The following AGBL4 variants were observed in gnomAD, a reference collection of about 807,000 sequenced individuals.
The protein encoded by AGBL4 is cytosolic carboxypeptidase 6.
In AGBL4, 58 loss-of-function variants were observed where a neutral mutation model predicts 66.4. That is an observed-to-expected ratio of 0.87 (90% confidence interval 0.71 to 1.09). The LOEUF (loss-of-function observed/expected upper bound fraction) is 1.09. Ranked by LOEUF, AGBL4 falls within the 50% of genes least tolerant of loss-of-function variation. The pLI is 0.00. For synonymous variants in AGBL4, 234 were observed against 222.9 expected, an observed-to-expected ratio of 1.05 and a Z score of -0.44; for missense variants, 579 against 631.0, an observed-to-expected ratio of 0.92 and a Z score of 0.88.
chr1:48,539,050 T>C (rs1010674942), intron 12 of AGBL4, among the ~76,000 whole-genome samples: 7 of 152,212 alleles, frequency 4.6e-5, no homozygotes, highest in African/African-American at 1.7e-4. Flanking sequence ...TCAGACAGGA[T>C]GGAGGCTCAC....
chr1:49,781,877 A>AT (rs1644346216), intron 2 of AGBL4, among the ~76,000 whole-genome samples: 2 of 152,188 alleles, frequency 1.3e-5, no homozygotes, highest in Non-Finnish European at 2.9e-5. Context: ...TAAACAATAC[A>AT]TTCCTAAATA....
Position 49,842,510 on chromosome 1 carries a change from C to A in AGBL4, c.157+8886G>T, listed in dbSNP as rs12036977. 23 of 986,926 alleles carry A rather than the reference C, an allele frequency of 2.3e-5. No homozygotes were observed. The East Asian group carries it at 1.2e-3, about 53-fold the overall frequency. 61.1% of individuals were successfully genotyped at this position (986,926 alleles called of 1,614,324 possible). On this transcript the variant is annotated intron_variant, in intron 2 of 13. Transcript: ENST00000371839. Reference sequence around the variant, plus strand: ...ACTACTCAGTCTTAATTCTTCACAGCAAATTTACTACTCAGTCTTAGTGAA... The same window carrying A: ...ACTACTCAGTCTTAATTCTTCACAGAAAATTTACTACTCAGTCTTAGTGAA...
intron 4 of AGBL4, among the ~76,000 whole-genome samples, chr1:49,098,683 T>C (rs1645150332): frequency 6.6e-6 from 1 of 151,956 alleles, no homozygotes; most frequent in Non-Finnish European, 1.5e-5. Flanking sequence ...GACATGAGGG[T>C]GGTCAGAGAG....
chr1:48,546,581 C>T (rs1408196354), intron 11 of AGBL4, among the ~76,000 whole-genome samples: 3 of 152,120 alleles, frequency 2.0e-5, no homozygotes, highest in African/African-American at 2.4e-5. Context: ...GAAGGTGACG[C>T]TGAAATATTA....
chr1:49,858,678 A>G (rs1646491827), intron 1 of AGBL4, among the ~76,000 whole-genome samples: 1 of 152,134 alleles, frequency 6.6e-6, no homozygotes, highest in Admixed American at 6.5e-5. Context: ...GCTCACCAAG[A>G]CCAATAATCC....
At chr1:48,787,366 C>A (rs1235570945) in intron 6 of AGBL4, among the ~76,000 whole-genome samples, 2 of 152,200 alleles carry the variant, frequency 1.3e-5, no homozygotes, top group Non-Finnish European at 1.5e-5. Flanking sequence ...AATGTCCCAA[C>A]AAGCACCCTG....
intron 6 of AGBL4, among the ~76,000 whole-genome samples, chr1:48,838,544 G>A (rs1335359351): frequency 2.6e-5 from 4 of 152,020 alleles, no homozygotes; most frequent in African/African-American, 9.7e-5. Flanking sequence ...AATAAAAATA[G>A]GTTAAAGATG....
At chr1:49,376,182 T>C (rs1294205082) in intron 3 of AGBL4, among the ~76,000 whole-genome samples, 2 of 152,090 alleles carry the variant, frequency 1.3e-5, no homozygotes, top group Non-Finnish European at 2.9e-5. Context: ...TTTCATACCT[T>C]TATGCCTTGG....
intron 4 of AGBL4, among the ~76,000 whole-genome samples, chr1:49,069,144 T>C (rs186723291): frequency 1.3e-5 from 2 of 152,356 alleles, no homozygotes; most frequent in East Asian, 3.9e-4. Context: ...CTTTGTCAGA[T>C]GGCTAGATTG....
At chr1:48,798,006 G>A (rs1442279527) in intron 6 of AGBL4, among the ~76,000 whole-genome samples, 2 of 152,178 alleles carry the variant, frequency 1.3e-5, no homozygotes, top group East Asian at 3.9e-4. Flanking sequence ...TAATAGGATT[G>A]CTGGATCAAA....
chr1:48,807,714 G>T (rs1645957984), intron 6 of AGBL4, among the ~76,000 whole-genome samples: 1 of 152,132 alleles, frequency 6.6e-6, no homozygotes, highest in African/African-American at 2.4e-5. Context: ...CCATGCAGAT[G>T]TGCAGGATTC....
intron 3 of AGBL4, among the ~76,000 whole-genome samples, chr1:49,249,952 T>C (rs1396810719): frequency 1.3e-5 from 2 of 152,210 alleles, no homozygotes; most frequent in African/African-American, 4.8e-5. Context: ...GGTCACAACA[T>C]TAAGTGAAAC....
At chr1:49,127,087 CATTTT>C (rs1202552397) in intron 4 of AGBL4, among the ~76,000 whole-genome samples, 1 of 152,110 alleles carries the variant, frequency 6.6e-6, no homozygotes. Flanking sequence ...CTATATAAAA[CATTTT>C]ATTTCAGATT....
chr1:48,772,409 A>G (rs1644881092), intron 6 of AGBL4, among the ~76,000 whole-genome samples: 1 of 152,222 alleles, frequency 6.6e-6, no homozygotes, highest in South Asian at 2.1e-4. Context: ...CCCCACCTGT[A>G]GGTGAGCTCC....
At chr1:48,826,415 C>T (rs866251822) in intron 6 of AGBL4, among the ~76,000 whole-genome samples, 3 of 152,346 alleles carry the variant, frequency 2.0e-5, no homozygotes, top group Middle Eastern at 3.4e-3. Context: ...AACTGGCACA[C>T]ATTAGCAAAA....
intron 11 of AGBL4, among the ~76,000 whole-genome samples, chr1:48,563,507 T>A (rs1644428125): frequency 6.7e-6 from 1 of 149,884 alleles, no homozygotes; most frequent in Non-Finnish European, 1.5e-5. Flanking sequence ...AGTGAGGGGG[T>A]CTGAGAGAGG....
At chr1:49,621,739 G>GCAC (rs1292152699) in intron 3 of AGBL4, among the ~76,000 whole-genome samples, 1 of 152,114 alleles carries the variant, frequency 6.6e-6, no homozygotes, top group Non-Finnish European at 1.5e-5. Context: ...GTTTCTAGGG[G>GCAC]CACCACATTT....
chr1:49,963,652 T>C (rs1405634645), intron 1 of AGBL4, among the ~76,000 whole-genome samples: 1 of 152,134 alleles, frequency 6.6e-6, no homozygotes, highest in East Asian at 1.9e-4. Context: ...TAACACTGAA[T>C]TCAGGGTTCT....
intron 4 of AGBL4, among the ~76,000 whole-genome samples, chr1:49,243,169 A>G (rs1396714505): frequency 6.6e-6 from 1 of 151,650 alleles, no homozygotes; most frequent in Non-Finnish European, 1.5e-5. Flanking sequence ...CTTATTTGGA[A>G]TATCGAAGGA....
Sources: gnomAD v4.1 joint callset for allele counts (sites outside exome capture counted in the v4.1 genomes callset) on GRCh38, gnomAD v4.1.1 for gene constraint, MANE v1.5 for transcripts, NCBI Gene and HGNC (gene_info 2026-07-23, HGNC 2026-07-21) for gene names.